MYT1L: variants seen among roughly 807,000 people sequenced by gnomAD.
MYT1L encodes the protein myelin transcription factor 1 like.
A neutral mutation model predicts 126.7 loss-of-function variants in MYT1L; 12 were observed. The ratio of observed to expected loss-of-function variants is 0.09; its 90% confidence interval spans 0.06 to 0.15. The LOEUF is 0.15. Ranked by LOEUF, MYT1L falls within the 10% of genes least tolerant of loss-of-function variation. The pLI, the probability that MYT1L is intolerant of heterozygous loss-of-function variation, is 1.00. For missense variants in MYT1L, 979 were observed against 1,585.2 expected (o/e 0.62, Z 6.49); for synonymous variants, 541 against 604.2 (o/e 0.90, Z 1.53).
intron 21 of MYT1L, among the ~76,000 whole-genome samples, chr2:1,833,019 G>A (rs2040393167): frequency 6.6e-6 from 1 of 152,204 alleles, no homozygotes; most frequent in African/African-American, 2.4e-5. Flanking sequence ...TCGGCCGAAT[G>A]AGATGAATGA....
chr2:2,059,711 G>T lies in MYT1L; in HGVS notation c.-303-5588C>A, dbSNP rs963702116. ...AGGCTCTTCACCTTTCAGAATCATCGCAGTTAAAAAAAGAAAGAATAAGGA... is the reference window on the plus strand; with the variant it reads ...AGGCTCTTCACCTTTCAGAATCATCTCAGTTAAAAAAAGAAAGAATAAGGA... On this transcript the variant is annotated intron_variant, in intron 3 of 24. Transcript: ENST00000647738. The surrounding 1 kb of genome is among the most constrained non-coding windows in gnomAD (Gnocchi z 4.7). 6.6e-6 allele frequency among the ~76,000 whole-genome samples: 1 copy of T among 152,000 alleles called. No individual in the cohort carries two copies. The highest frequency in any genetic ancestry group is 2.4e-5 in the African/African-American group (1 of 41,386).
chr2:1,961,427 G>A (rs2058949567), intron 8 of MYT1L, among the ~76,000 whole-genome samples: 1 of 152,234 alleles, frequency 6.6e-6, no homozygotes, highest in African/African-American at 2.4e-5. Context: ...CTGTGCCACA[G>A]TGAGCTGTAT....
chr2:2,072,259 A>G (rs1250651448), intron 3 of MYT1L, among the ~76,000 whole-genome samples: 1 of 152,138 alleles, frequency 6.6e-6, no homozygotes, highest in Non-Finnish European at 1.5e-5. Context: ...TCTCTCTTGG[A>G]AACAGTACCA....
intron 5 of MYT1L, among the ~76,000 whole-genome samples, chr2:1,996,255 C>T (rs1156720381): frequency 6.6e-6 from 1 of 152,254 alleles, no homozygotes; most frequent in East Asian, 1.9e-4. Flanking sequence ...TGGGGGCCGC[C>T]CTGCCTCAGT....
intron 4 of MYT1L, among the ~76,000 whole-genome samples, chr2:2,044,805 CACA>C (rs1190798176): frequency 6.6e-6 from 1 of 152,166 alleles, no homozygotes; most frequent in African/African-American, 2.4e-5. Flanking sequence ...TAATTCAGCT[CACA>C]ACAAGGACTC....
chr2:2,317,618 A>G (rs1328080801), intron 1 of MYT1L, among the ~76,000 whole-genome samples: 1 of 152,190 alleles, frequency 6.6e-6, no homozygotes, highest in African/African-American at 2.4e-5. Context: ...AAATAAAAAT[A>G]AAAAATGAAA....
intron 18 of MYT1L, among the ~76,000 whole-genome samples, chr2:1,859,032 C>G (rs1052035285): frequency 2.6e-5 from 4 of 152,174 alleles, no homozygotes; most frequent in Non-Finnish European, 4.4e-5. Context: ...CCCTGACAGC[C>G]TGGGGGAGGG....
In MYT1L at chr2:1,976,299, C is replaced by T. The variant is rs115907330; in HGVS notation, c.152+2866G>A. On this transcript the variant is annotated intron_variant, in intron 8 of 24. Transcript: ENST00000647738. ...GGCATGAATGGGCAAGAATAGCTGT[C>T]AGGAAGGGATAGCTTTCATAGTCAG... is the stretch of plus-strand genomic sequence containing the variant. Among the ~76,000 whole-genome samples, 269 of 152,202 alleles carry T rather than the reference C, an allele frequency of 1.8e-3. 1 individual carries two copies. The highest frequency in any genetic ancestry group is 6.2e-3 in the African/African-American group (259 of 41,528).
At chr2:2,167,585 C>A (rs532495729) in intron 3 of MYT1L, among the ~76,000 whole-genome samples, 1 of 152,184 alleles carries the variant, frequency 6.6e-6, no homozygotes, top group Non-Finnish European at 1.5e-5. Flanking sequence ...ACTCACCACG[C>A]CCACCCTGCC....
intron 19 of MYT1L, among the ~76,000 whole-genome samples, chr2:1,850,332 T>C (rs183704895): frequency 1.6e-4 from 24 of 152,076 alleles, no homozygotes; most frequent in Non-Finnish European, 2.8e-4. Flanking sequence ...ACTGCGTACT[T>C]TATAAGCTAA....
intron 2 of MYT1L, among the ~76,000 whole-genome samples, chr2:2,268,252 ATAGAG>A (rs987642673): frequency 5.6e-4 from 85 of 152,342 alleles, no homozygotes; most frequent in African/African-American, 1.9e-3. Flanking sequence ...TATGGAAATA[ATAGAG>A]TAATTTACCT....
intron 18 of MYT1L, among the ~76,000 whole-genome samples, chr2:1,864,275 C>G (rs930432409): frequency 2.0e-5 from 3 of 152,200 alleles, no homozygotes; most frequent in East Asian, 1.9e-4. Flanking sequence ...AAGCCCCCAG[C>G]AGACCTGGCA....
chr2:1,994,537 T>C (rs973510468), intron 5 of MYT1L, among the ~76,000 whole-genome samples: 4 of 152,214 alleles, frequency 2.6e-5, no homozygotes, highest in Non-Finnish European at 5.9e-5. Context: ...CCCTCCCTGA[T>C]GAATGCCTGT....
At chr2:2,103,030 G>T (rs2078291069) in intron 3 of MYT1L, among the ~76,000 whole-genome samples, 1 of 152,064 alleles carries the variant, frequency 6.6e-6, no homozygotes, top group Non-Finnish European at 1.5e-5. Flanking sequence ...CGCTAATTGA[G>T]AATTCCTTCA....
At chr2:1,965,783 G>C (rs767727191) in intron 8 of MYT1L, among the ~76,000 whole-genome samples, 1 of 152,240 alleles carries the variant, frequency 6.6e-6, no homozygotes, top group Non-Finnish European at 1.5e-5. Context: ...GAGCCGGACA[G>C]GGGGATGCAC....
intron 8 of MYT1L, among the ~76,000 whole-genome samples, chr2:1,950,167 G>A (rs1301990293): frequency 3.9e-5 from 6 of 152,088 alleles, no homozygotes; most frequent in African/African-American, 1.4e-4. Flanking sequence ...TAAAATCACA[G>A]AGCTGAGTAA....
At chr2:2,229,597 T>G (rs571955691) in intron 2 of MYT1L, among the ~76,000 whole-genome samples, 1 of 143,032 alleles carries the variant, frequency 7.0e-6, no homozygotes, top group Non-Finnish European at 1.5e-5. Flanking sequence ...GGAGATTTCT[T>G]TTTTTTTCAG....
intron 5 of MYT1L, among the ~76,000 whole-genome samples, chr2:1,993,685 G>C (rs1417169539): frequency 3.3e-5 from 5 of 152,160 alleles, no homozygotes; most frequent in Non-Finnish European, 5.9e-5. Flanking sequence ...TGTATTTCCA[G>C]AATAGAGTTT....
chr2:2,263,461 G>A (rs1007670049), intron 2 of MYT1L, among the ~76,000 whole-genome samples: 3 of 152,172 alleles, frequency 2.0e-5, no homozygotes, highest in African/African-American at 7.2e-5. Context: ...TGGCGCAGAT[G>A]ACCTTTTGGA....
Sources: allele counts gnomAD v4.1 joint callset (sites outside exome capture counted in the v4.1 genomes callset), GRCh38; gene constraint gnomAD v4.1.1; non-coding constraint Gnocchi (gnomAD v3.1); transcripts MANE v1.5; gene names NCBI Gene and HGNC (gene_info 2026-07-23, HGNC 2026-07-21).